The following MORN1 variants were observed in gnomAD, a reference collection of about 807,000 sequenced individuals.
MORN1 encodes MORN repeat containing 1.
MORN1 carries 67 observed loss-of-function variants against 61.9 expected under a neutral mutation model. The ratio of observed to expected loss-of-function variants is 1.08; its 90% CI spans 0.89 to 1.33. The LOEUF (loss-of-function observed/expected upper bound fraction) is 1.33, where lower values mean the gene tolerates loss of function less well. Among genes scored for constraint, MORN1 ranks in the 40% most tolerant of loss-of-function variants. The pLI is 0.00. For synonymous variants in MORN1, 301 were observed against 292.0 expected, an observed-to-expected ratio of 1.03 and a Z score of -0.31; for missense variants, 752 against 691.2, an observed-to-expected ratio of 1.09 and a Z score of -0.99.
chr1:2,367,396 G>C lies in MORN1; in HGVS notation c.745+5085C>G, dbSNP rs1642020301. Among the ~76,000 whole-genome samples, 3 of 151,058 alleles carry C rather than the reference G, an allele frequency of 2.0e-5. No homozygotes were observed. In the South Asian group the frequency reaches 6.3e-4, roughly 32 times the overall value. ...GTATTTTGGGAGACTGAGGTGGGAGGATCGCTTGAGCCTGGGAGTTTGAGA... is the reference window on the plus strand; with the variant it reads ...GTATTTTGGGAGACTGAGGTGGGAGCATCGCTTGAGCCTGGGAGTTTGAGA... On this transcript the variant is annotated intron_variant, in intron 8 of 13. Transcript: ENST00000378531.
Position 2,390,095 on chromosome 1 carries a change from A to G in MORN1, c.77-99T>C, listed in dbSNP as rs527571800. ...GAGTGCAGCTCCCTTGAGGGCCTTC[A>G]AGGGGTTGGTACACGTCACCTTCAG... On this transcript the variant is annotated intron_variant, in intron 1 of 13. Coordinates refer to ENST00000378531, the MANE Select transcript of MORN1 (RefSeq NM_024848.3). The G allele has an allele frequency of 9.6e-6, 11 of 1,148,752 alleles. No individual in the cohort carries two copies. The East Asian group carries it at 1.4e-4, about 15-fold the overall frequency. The allele number at this position is 1,148,752 out of a possible 1,614,324, so 71.2% of individuals were successfully genotyped here.
At chr1:2,348,755 A>G (rs1292723499) in intron 10 of MORN1, among the ~76,000 whole-genome samples, 14 of 118,616 alleles carry the variant, frequency 1.2e-4, no homozygotes, top group South Asian at 2.8e-4. Context: ...GCACGCACAC[A>G]CACGCACACC....
At chr1:2,364,879 A>G (rs1641967328) in intron 8 of MORN1, among the ~76,000 whole-genome samples, 1 of 152,024 alleles carries the variant, frequency 6.6e-6, no homozygotes, top group Admixed American at 6.6e-5. Context: ...GTAGATACGC[A>G]GCGTTATTTC....
rs550247898 is a variant in MORN1, at chr1:2,322,923, C to T, written c.1297+1174G>A. 1.0e-4 allele frequency: 102 copies of T among 985,414 alleles called. No individual in the cohort carries two copies. The African/African-American group carries it at 1.5e-3, about 14-fold the overall frequency. 61.0% of individuals were successfully genotyped at this position (985,414 alleles called of 1,614,324 possible). On this transcript the variant is annotated intron_variant, in intron 13 of 13. Transcript: ENST00000378531. Reference sequence around the variant, plus strand: ...GCGGCAGGCCGGGCCTCGACGGCCACGTGATCTAGCCCTGGGCCAGCTCTC... The same window carrying T: ...GCGGCAGGCCGGGCCTCGACGGCCATGTGATCTAGCCCTGGGCCAGCTCTC...
At chr1:2,323,092 C>A (rs888710178) in intron 13 of MORN1, 3 of 985,280 alleles carry the variant, frequency 3.0e-6, no homozygotes, top group Admixed American at 6.1e-5. Flanking sequence ...AGCGCCTAGC[C>A]GATTCCTGTC....
intron 12 of MORN1, among the ~76,000 whole-genome samples, chr1:2,331,795 C>T (rs980809427): frequency 6.6e-6 from 1 of 152,064 alleles, no homozygotes; most frequent in Non-Finnish European, 1.5e-5. Flanking sequence ...CACTGCCGCT[C>T]CTCTCCCGCG....
intron 10 of MORN1, among the ~76,000 whole-genome samples, chr1:2,353,632 C>T (rs1641699309): frequency 6.6e-6 from 1 of 152,264 alleles, no homozygotes; most frequent in African/African-American, 2.4e-5. Flanking sequence ...CTGGCTGGAA[C>T]TGAAACTTAG....
chr1:2,366,967 G>A (rs1642008161), intron 8 of MORN1, among the ~76,000 whole-genome samples: 1 of 60,334 alleles, frequency 1.7e-5, no homozygotes, highest in Non-Finnish European at 3.6e-5. Flanking sequence ...AAAATACATA[G>A]AAAAATACAT....
At chr1:2,323,245 C>A in intron 13 of MORN1, 1 of 985,396 alleles carries the variant, frequency 1.0e-6, no homozygotes, top group Non-Finnish European at 1.2e-6. Context: ...GGCTACAGCC[C>A]CGGCCACACG....
At position 2,385,042 on chromosome 1, in the gene MORN1, T is replaced by A; in HGVS notation, c.473A>T (p.Asp158Val). ...TCCCTGACGCCGGTCCCGGACCCAG[T>A]CGCCGTCGTACTTGTCACCGTTCCT... ...LFQNGDKYDG[D>V]WVRDRRQGHG... The change falls in exon 6 of 14, where the codon GAC becomes GTC. Residue 158 changes from aspartate (D) to valine (V), a missense_variant. Transcript: ENST00000378531. The A allele has an allele frequency of 6.3e-7, 1 of 1,597,856 alleles. No homozygotes were observed. Among genetic ancestry groups the A allele is most frequent in the Middle Eastern group, 2.3e-4 (1 of 4,422 alleles).
intron 12 of MORN1, among the ~76,000 whole-genome samples, chr1:2,330,875 C>A (rs1177014670): frequency 6.6e-6 from 1 of 152,224 alleles, no homozygotes; most frequent in African/African-American, 2.4e-5. Context: ...TCCTGTGTGG[C>A]TGGGCAAAGT....
chr1:2,358,506 T>C lies in MORN1; in HGVS notation c.869+86A>G, dbSNP rs1641824931. On this transcript the variant is annotated intron_variant, in intron 9 of 13. Transcript: ENST00000378531. Reference sequence around the variant, plus strand: ...ATAACCAGGACTTAGCCCAGGTCTCTAGGGAAAAAAGGACAAGGAATTAAT... The same window carrying C: ...ATAACCAGGACTTAGCCCAGGTCTCCAGGGAAAAAAGGACAAGGAATTAAT... 3 of 1,564,114 alleles carry C rather than the reference T, an allele frequency of 1.9e-6. No individual in the cohort carries two copies. The South Asian group carries it at 3.4e-5, about 18-fold the overall frequency.
At chr1:2,352,457 A>G (rs2840528) in intron 10 of MORN1, 79,188 of 152,370 alleles carry the variant, frequency 0.52, 22,173 homozygotes, top group African/African-American at 0.74. Flanking sequence ...TGCTAAAAGT[A>G]GCCACATCTC....
intron 10 of MORN1, among the ~76,000 whole-genome samples, chr1:2,345,257 G>A (rs762785835): frequency 2.0e-5 from 3 of 152,248 alleles, no homozygotes; most frequent in African/African-American, 4.8e-5. Flanking sequence ...TCTGTGCCCC[G>A]GCACCTCCAA....
rs549028733 is a variant in MORN1, at chr1:2,357,798, C to T, written c.870-200G>A. Among the ~76,000 whole-genome samples, 124 of 152,328 alleles carry T rather than the reference C, an allele frequency of 8.1e-4. No homozygotes were observed. The highest frequency in any genetic ancestry group is 1.6e-3 in the Non-Finnish European group (111 of 68,038). On this transcript the variant is annotated intron_variant, in intron 9 of 13. Transcript: ENST00000378531. This position sits in a 1 kb window ranked among gnomAD's most constrained non-coding sequence, Gnocchi z 6.3. ...GAAAAAAGACTCGCCAGGGAGAAGA[C>T]AGCAGGTCTTGGCTTGAAGGAAGAG...
rs1044822428 is a variant in MORN1 at position 2,357,979 on chromosome 1, C to T, written c.870-381G>A. Among the ~76,000 whole-genome samples, 4 of 152,126 alleles carry T rather than the reference C, an allele frequency of 2.6e-5. No individual in the cohort carries two copies. Among genetic ancestry groups the T allele is most frequent in the Admixed American group, 6.5e-5 (1 of 15,272 alleles). On this transcript the variant is annotated intron_variant, in intron 9 of 13. Transcript: ENST00000378531. This position sits in a 1 kb window ranked among gnomAD's most constrained non-coding sequence, Gnocchi z 6.3. ...GGAAAAGGGAGTGTGAGAGCTGTGG[C>T]GTCACACTCAGGTCTGGTCGCCTGG...
intron 13 of MORN1, chr1:2,323,037 C>T: frequency 1.0e-6 from 1 of 985,486 alleles, no homozygotes. Context: ...AGGGCTGTCT[C>T]CGCCGAGCAC....
chr1:2,331,314 G>A (rs893586756), intron 12 of MORN1, among the ~76,000 whole-genome samples: 5 of 152,090 alleles, frequency 3.3e-5, no homozygotes, highest in East Asian at 1.9e-4. Context: ...GAGGCAGCAC[G>A]GGCCAGGGCA....
rs1304301977 is a variant in MORN1, at chr1:2,357,239, G to A, written c.1036+193C>T. 1.3e-5 allele frequency among the ~76,000 whole-genome samples: 2 copies of A among 152,188 alleles called. No individual in the cohort carries two copies. Among genetic ancestry groups the A allele is most frequent in the African/African-American group, 2.4e-5 (1 of 41,442 alleles). On this transcript the variant is annotated intron_variant, in intron 10 of 13. Coordinates refer to ENST00000378531, the MANE Select transcript of MORN1 (RefSeq NM_024848.3). The surrounding 1 kb of genome is among the most constrained non-coding windows in gnomAD (Gnocchi z 6.3). ...AGACGAACAATCGGCTTGAGCCTCC[G>A]CAGCCACCCGTGACTGCTTGTCTGG...
Sources: gnomAD v4.1 joint callset for allele counts (sites outside exome capture counted in the v4.1 genomes callset) on GRCh38, gnomAD v4.1.1 for gene constraint, Gnocchi (gnomAD v3.1) non-coding constraint, MANE v1.5 for transcripts, NCBI Gene and HGNC (gene_info 2026-07-23, HGNC 2026-07-21) for gene names.